The following CYB5R2 variants were observed in gnomAD, a reference collection of about 807,000 sequenced individuals.
The protein encoded by CYB5R2 is NADH-cytochrome b5 reductase 2.
In CYB5R2, 35 loss-of-function variants were observed where a neutral mutation model predicts 29.8. The observed-to-expected ratio is 1.17, with a 90% CI of 0.90 to 1.56. CYB5R2 has a LOEUF of 1.56. Among genes scored for constraint, CYB5R2 ranks in the 40% most tolerant of loss-of-function variants. CYB5R2 has a pLI of 0.00. For missense variants in CYB5R2, 419 were observed against 346.7 expected (o/e 1.21, Z -1.66); for synonymous variants, 169 against 130.6 (o/e 1.29, Z -2.01).
intron 3 of CYB5R2, chr11:7,670,926 C>A (rs540163321): frequency 1.4e-5 from 1 of 73,762 alleles, no homozygotes; most frequent in Non-Finnish European, 2.8e-5. Flanking sequence ...GGACTACATA[C>A]GGGAAATTAG....
Position 7,665,800 on chromosome 11 carries a change from G to A in CYB5R2, c.659-254C>T, listed in dbSNP as rs913543760. 52 of 1,502,900 alleles carry A rather than the reference G, an allele frequency of 3.5e-5. 1 individual carries two copies. In the South Asian group the frequency reaches 3.6e-4, roughly 10 times the overall value. The allele number at this position is 1,502,900 out of a possible 1,614,324, so 93.1% of individuals were successfully genotyped here. A position where few individuals can be genotyped will look rare whatever the true frequency, so the allele number is the denominator to read the frequency against. On this transcript the variant is annotated intron_variant, in intron 8 of 8. Coordinates refer to ENST00000299498, the MANE Select transcript of CYB5R2 (RefSeq NM_016229.5). ...CTGTCTGTCAGCTGTCAGCATTGAC[G>A]AGGAAGGAGAACACAACGAGGTATA...
chr11:7,665,785 G>C (rs1350748539), intron 8 of CYB5R2: 1 of 1,459,050 alleles, frequency 6.9e-7, no homozygotes, highest in African/African-American at 1.4e-5. Context: ...CTGTCTGTCA[G>C]CTGTCAGCAT....
In CYB5R2 at chr11:7,665,191, C is replaced by T; in HGVS notation, c.*183G>A. The T allele has an allele frequency of 2.0e-6, 1 of 490,768 alleles. No homozygotes were observed. Among genetic ancestry groups the T allele is most frequent in the Non-Finnish European group, 3.5e-6 (1 of 281,732 alleles). The allele number at this position is 490,768 out of a possible 1,614,324, so 30.4% of individuals were successfully genotyped here. On this transcript the variant is annotated 3_prime_UTR_variant, in exon 9 of 9. Transcript: ENST00000299498. Reference sequence around the variant, plus strand: ...CAGCCTCCAAGCAAGGAGGCCCCAGCAGCCAGTCTCCAGCCCCTTGAGCCC... The same window carrying T: ...CAGCCTCCAAGCAAGGAGGCCCCAGTAGCCAGTCTCCAGCCCCTTGAGCCC...
intron 8 of CYB5R2, chr11:7,665,928 C>T (rs1449365783): frequency 5.9e-6 from 9 of 1,535,898 alleles, no homozygotes; most frequent in Non-Finnish European, 7.0e-6. Context: ...GCGCCCTCTG[C>T]CGACCAGGGA....
At chr11:7,672,933 G>C (rs892040794) in intron 1 of CYB5R2, 42 bp from the exon 2 acceptor site, 5 of 1,571,654 alleles carry the variant, frequency 3.2e-6, no homozygotes, top group Non-Finnish European at 4.3e-6. Flanking sequence ...GGTCTTGCCC[G>C]CCCTGGACAG....
At chr11:7,668,444 C>T (rs1181103573) in intron 6 of CYB5R2, 34 bp downstream of exon 6, 5 of 1,527,602 alleles carry the variant, frequency 3.3e-6, no homozygotes, top group South Asian at 1.1e-5. Flanking sequence ...TCTCGGGGCT[C>T]ACTCTCTGGA....
chr11:7,665,517 C>A lies in CYB5R2; in HGVS notation c.688G>T (p.Ala230Ser). 1 of 1,612,114 alleles carries A rather than the reference C, an allele frequency of 6.2e-7. No homozygotes were observed. ...GGAAGGTGCTCCTTGATCATGTCGG[C>A]AGTAACGAAGCCTGAGCTGTACTTC... ...GWKYSSGFVTADMIKEHLPPP... is the reference protein window; with the variant it reads ...GWKYSSGFVTSDMIKEHLPPP... Residue 230 changes from alanine (A) to serine (S), a missense_variant, in exon 9 of 9, where the codon GCC becomes TCC. Transcript: ENST00000299498.
At chr11:7,665,819 A>G in intron 8 of CYB5R2, 1 of 1,527,006 alleles carries the variant, frequency 6.5e-7, no homozygotes, top group Admixed American at 2.0e-5. Context: ...GAACACAACG[A>G]GGTATACCGA....
intron 5 of CYB5R2, chr11:7,668,972 T>C (rs927830370): frequency 1.5e-6 from 1 of 669,170 alleles, no homozygotes. Flanking sequence ...GCTGGAGATT[T>C]TGATACAATG....
intron 3 of CYB5R2, 96 bp downstream of exon 3, chr11:7,672,355 C>T (rs781197686): frequency 1.6e-5 from 17 of 1,058,030 alleles, no homozygotes; most frequent in Non-Finnish European, 2.3e-5. Flanking sequence ...GGGCATCTTC[C>T]ACACCTCAGG....
intron 5 of CYB5R2, 39 bp downstream of exon 5, chr11:7,669,166 C>G: frequency 1.2e-6 from 2 of 1,613,578 alleles, no homozygotes; most frequent in Middle Eastern, 1.7e-4. Flanking sequence ...CAGGAATCTT[C>G]CTCCCAGCTG....
chr11:7,669,154 T>TGCAGGAATCTTCC, intron 5 of CYB5R2, 51 bp downstream of exon 5: 1 of 1,611,220 alleles, frequency 6.2e-7, no homozygotes. Flanking sequence ...ATGGAACCAT[T>TGCAGGAATCTTCC]GCAGGAATCT....
chr11:7,672,206 T>C (rs1241637078), intron 3 of CYB5R2: 2 of 471,982 alleles, frequency 4.2e-6, no homozygotes, highest in Non-Finnish European at 7.5e-6. Context: ...CTTTTGGCTC[T>C]AGGTTCAGTT....
At chr11:7,667,636 A>G (rs1855387937) in intron 7 of CYB5R2, 92 bp downstream of exon 7, 1 of 1,199,398 alleles carries the variant, frequency 8.3e-7, no homozygotes, top group African/African-American at 1.5e-5. Flanking sequence ...GCACCCAAGC[A>G]GCATGAGCTC....
chr11:7,665,681 T>G (rs1377500959), intron 8 of CYB5R2, 135 bp from the exon 9 acceptor site: 1 of 1,177,352 alleles, frequency 8.5e-7, no homozygotes, highest in Admixed American at 2.6e-5. Context: ...TCTGTACTAC[T>G]GCTCCCTGCA....
At chr11:7,665,643 G>A in intron 8 of CYB5R2, 97 bp from the exon 9 acceptor site, 3 of 1,332,814 alleles carry the variant, frequency 2.3e-6, no homozygotes, top group Non-Finnish European at 3.0e-6. Flanking sequence ...GGGAGGAGGT[G>A]ACAAGCTGCT....
At chr11:7,673,777 G>GCGGGCC, upstream of CYB5R2, 5 of 975,062 alleles carry the variant, frequency 5.1e-6, no homozygotes, top group Non-Finnish European at 6.1e-6. Context: ...GCTCCCCGCC[G>GCGGGCC]CGGGCCCGCA....
chr11:7,665,971 T>G (rs553860415), intron 8 of CYB5R2: 1 of 1,484,532 alleles, frequency 6.7e-7, no homozygotes, highest in African/African-American at 1.4e-5. Context: ...CCGGGAGCAG[T>G]GTGAGAGGCG....
chr11:7,668,609 A>G (rs1855513666), intron 5 of CYB5R2, 48 bp from the exon 6 acceptor site: 1 of 1,409,580 alleles, frequency 7.1e-7, no homozygotes, highest in African/African-American at 1.4e-5. Context: ...TTGCCTAAAG[A>G]GACTGCAAAA....
Sources: gnomAD v4.1 joint callset for allele counts on GRCh38, gnomAD v4.1.1 for gene constraint, MANE v1.5 for transcripts, NCBI Gene and HGNC (gene_info 2026-07-23, HGNC 2026-07-21) for gene names.